Variants in ADK observed in about 807,000 individuals in gnomAD.
ADK encodes N6,N6-dimethyladenosine kinase.
ADK carries 24 observed loss-of-function variants against 44.7 expected under a neutral mutation model. That is an observed-to-expected ratio of 0.54 (90% CI 0.39 to 0.76). ADK has a LOEUF of 0.76. ADK is among the 30% of genes least tolerant of loss of function. The probability of loss-of-function intolerance (pLI) is 0.00; values close to 1 mark genes in which losing one functional copy is unlikely to be tolerated. For missense variants in ADK, 321 were observed against 425.1 expected (o/e 0.76, Z 2.15); for synonymous variants, 128 against 142.6 (o/e 0.90, Z 0.73).
intron 6 of ADK, among the ~76,000 whole-genome samples, chr10:74,417,885 C>G (rs1242379168): frequency 6.6e-6 from 1 of 152,002 alleles, no homozygotes; most frequent in African/African-American, 2.4e-5. Flanking sequence ...TAAATATTTA[C>G]TCACGTGCAC....
intron 3 of ADK, among the ~76,000 whole-genome samples, chr10:74,298,757 A>C (rs1018231153): frequency 1.4e-4 from 12 of 87,290 alleles, no homozygotes; most frequent in South Asian, 3.0e-4. Flanking sequence ...AAAACCCCCC[A>C]AAAAAACAAA....
chr10:74,270,981 G>T (rs11000945), intron 3 of ADK, among the ~76,000 whole-genome samples: 1 of 152,050 alleles, frequency 6.6e-6, no homozygotes. Flanking sequence ...AATTTTTAGT[G>T]TAGACAAAAC....
intron 6 of ADK, among the ~76,000 whole-genome samples, chr10:74,419,160 TAG>T (rs200749237): frequency 0.011 from 1,643 of 152,300 alleles, 12 homozygotes; most frequent in Non-Finnish European, 0.015. Flanking sequence ...TATTTAGGAA[TAG>T]AGTCTTGTAT....
chr10:74,697,380 T>C (rs750807527), intron 10 of ADK, among the ~76,000 whole-genome samples: 66 of 151,672 alleles, frequency 4.4e-4, no homozygotes, highest in Admixed American at 1.1e-3. Context: ...CTACAAAAAA[T>C]AGAAAAGTTA....
chr10:74,328,681 T>C (rs1170604003), intron 4 of ADK, among the ~76,000 whole-genome samples: 4 of 152,186 alleles, frequency 2.6e-5, no homozygotes, highest in Admixed American at 1.3e-4. Flanking sequence ...ACTCTCTGTC[T>C]TTTTCTCCTG....
chr10:74,255,936 G>A (rs1300087121), intron 3 of ADK, among the ~76,000 whole-genome samples: 1 of 152,138 alleles, frequency 6.6e-6, no homozygotes, highest in African/African-American at 2.4e-5. Flanking sequence ...AATAGTGTCT[G>A]CCTTTGAGAA....
At chr10:74,660,571 C>T (rs1209092551) in intron 9 of ADK, among the ~76,000 whole-genome samples, 1 of 151,354 alleles carries the variant, frequency 6.6e-6, no homozygotes, top group Non-Finnish European at 1.5e-5. Context: ...AAACTCTTCT[C>T]TACAAAGAAT....
chr10:74,600,593 T>C, intron 9 of ADK, 100 bp downstream of exon 9: 1 of 356,186 alleles, frequency 2.8e-6, no homozygotes, highest in Non-Finnish European at 5.0e-6. Flanking sequence ...ACAATATACA[T>C]ATACAATATA....
At chr10:74,309,578 A>G (rs1262029497) in intron 3 of ADK, among the ~76,000 whole-genome samples, 1 of 152,196 alleles carries the variant, frequency 6.6e-6, no homozygotes, top group Non-Finnish European at 1.5e-5. Flanking sequence ...TAAACATCAT[A>G]TTCCAATATT....
chr10:74,674,868 T>G (rs753317939), intron 10 of ADK, among the ~76,000 whole-genome samples: 2 of 148,608 alleles, frequency 1.3e-5, no homozygotes, highest in Non-Finnish European at 3.0e-5. Flanking sequence ...GGTGACAGAG[T>G]GAGACCCTGT....
intron 6 of ADK, among the ~76,000 whole-genome samples, chr10:74,498,617 C>A (rs1847779103): frequency 6.6e-6 from 1 of 151,996 alleles, no homozygotes; most frequent in Admixed American, 6.5e-5. Flanking sequence ...TATTGGTGTG[C>A]TGCACCCATT....
At chr10:74,471,798 T>G (rs1166523217) in intron 6 of ADK, among the ~76,000 whole-genome samples, 1 of 152,204 alleles carries the variant, frequency 6.6e-6, no homozygotes, top group Non-Finnish European at 1.5e-5. Context: ...ATTTTCTTTT[T>G]GGGTTGTTCA....
At chr10:74,213,157 G>A (rs890624579) in intron 2 of ADK, among the ~76,000 whole-genome samples, 1 of 152,134 alleles carries the variant, frequency 6.6e-6, no homozygotes, top group African/African-American at 2.4e-5. Context: ...GCCCAGTCTG[G>A]AGTGCAGTGA....
intron 10 of ADK, among the ~76,000 whole-genome samples, chr10:74,680,272 A>G (rs952714497): frequency 1.7e-4 from 25 of 150,864 alleles, no homozygotes; most frequent in African/African-American, 6.1e-4. Flanking sequence ...CCGAGATCGC[A>G]CCACTGCACT....
chr10:74,557,482 A>G (rs925280158), intron 7 of ADK, among the ~76,000 whole-genome samples: 1 of 152,236 alleles, frequency 6.6e-6, no homozygotes, highest in Non-Finnish European at 1.5e-5. Context: ...AAATCTGGAC[A>G]TCATAGAAAC....
At chr10:74,253,867 G>A (rs748928357) in intron 3 of ADK, among the ~76,000 whole-genome samples, 23 of 149,844 alleles carry the variant, frequency 1.5e-4, no homozygotes, top group Non-Finnish European at 2.7e-4. Flanking sequence ...CCCAGGTTCA[G>A]GTGATTCTTT....
intron 4 of ADK, among the ~76,000 whole-genome samples, chr10:74,363,273 T>C (rs1592103086): frequency 1.3e-5 from 2 of 151,594 alleles, no homozygotes; most frequent in African/African-American, 4.9e-5. Context: ...GCTGGAGGTG[T>C]GACTGTGCCC....
chr10:74,377,520 ACT>A (rs1174512256), intron 4 of ADK, among the ~76,000 whole-genome samples: 2 of 152,080 alleles, frequency 1.3e-5, no homozygotes, highest in Non-Finnish European at 2.9e-5. Flanking sequence ...GTAAAATCAG[ACT>A]CTATACATCA....
At chr10:74,158,066 A>T (rs1301305622) in intron 1 of ADK, among the ~76,000 whole-genome samples, 1 of 152,232 alleles carries the variant, frequency 6.6e-6, no homozygotes, top group Non-Finnish European at 1.5e-5. Flanking sequence ...AAAAATATAA[A>T]CTAAAACTTC....
Sources: allele counts gnomAD v4.1 joint callset (sites outside exome capture counted in the v4.1 genomes callset), GRCh38; gene constraint gnomAD v4.1.1; transcripts MANE v1.5; gene names NCBI Gene and HGNC (gene_info 2026-07-23, HGNC 2026-07-21).